Variants in OTUD7B observed in about 807,000 individuals in gnomAD.
OTUD7B encodes OTU deubiquitinase 7B, also known as OTU domain-containing protein 7B.
In OTUD7B, 34 loss-of-function variants were observed where a neutral mutation model predicts 82.2. The observed-to-expected ratio is 0.41, with a 90% CI of 0.31 to 0.55. OTUD7B has a LOEUF of 0.55. Ranked by LOEUF, OTUD7B falls within the 20% of genes least tolerant of loss-of-function variation. OTUD7B has a pLI of 0.20. For synonymous variants in OTUD7B, 398 were observed against 402.7 expected (o/e 0.99, Z 0.14); for missense variants, 944 against 1,062.1 (o/e 0.89, Z 1.55).
At chr1:150,052,798 C>T in the OTUD7B span, among the ~76,000 whole-genome samples, 3 of 132,226 alleles carry the variant, frequency 2.3e-5, no homozygotes, top group African/African-American at 8.9e-5. Flanking sequence ...GTAAAACAAA[C>T]AAACAAACAA....
chr1:149,967,584 TGTG>T (rs1649605349), intron 3 of OTUD7B, 63 bp from the exon 4 acceptor site: 1 of 1,263,390 alleles, frequency 7.9e-7, no homozygotes, highest in Non-Finnish European at 1.1e-6. Context: ...TCTACACTGA[TGTG>T]GTGATAGTTA....
intron 11 of OTUD7B, among the ~76,000 whole-genome samples, chr1:149,946,148 G>GC (rs1289955089): frequency 6.6e-6 from 1 of 151,664 alleles, no homozygotes; most frequent in African/African-American, 2.4e-5. Flanking sequence ...GGGGGCCAAG[G>GC]CAGGCGGATC....
At chr1:149,964,014 T>C (rs1360400970) in intron 6 of OTUD7B, 1 of 539,254 alleles carries the variant, frequency 1.9e-6, no homozygotes, top group African/African-American at 1.9e-5. Flanking sequence ...AACCTCTCTG[T>C]AGGTCTCATG....
At chr1:150,039,672 G>T in the OTUD7B span, among the ~76,000 whole-genome samples, 8 of 152,286 alleles carry the variant, frequency 5.3e-5, no homozygotes, top group African/African-American at 1.9e-4. Context: ...ACTGCGCCTG[G>T]CCTATTCAAA....
At chr1:149,995,899 C>T (rs1651893051) in intron 1 of OTUD7B, among the ~76,000 whole-genome samples, 1 of 152,142 alleles carries the variant, frequency 6.6e-6, no homozygotes, top group African/African-American at 2.4e-5. Flanking sequence ...TTCAGCTGGG[C>T]AAAAGACATT....
chr1:150,049,384 G>T, the OTUD7B span, among the ~76,000 whole-genome samples: 2 of 152,032 alleles, frequency 1.3e-5, no homozygotes, highest in Non-Finnish European at 2.9e-5. Context: ...TTAAATCGTG[G>T]TTAGTCAGGA....
chr1:149,990,397 T>C (rs587732786), intron 1 of OTUD7B, among the ~76,000 whole-genome samples: 1 of 152,356 alleles, frequency 6.6e-6, no homozygotes, highest in East Asian at 1.9e-4. Context: ...CAAATATTTG[T>C]GGTTCTAAAC....
chr1:150,028,105 A>T, the OTUD7B span, among the ~76,000 whole-genome samples: 1 of 152,224 alleles, frequency 6.6e-6, no homozygotes, highest in Non-Finnish European at 1.5e-5. Context: ...ATCTGTACAT[A>T]ACTATTTTTC....
intron 1 of OTUD7B, among the ~76,000 whole-genome samples, chr1:150,009,931 TCTCC>T (rs1374512906): frequency 1.3e-5 from 2 of 151,460 alleles, no homozygotes; most frequent in Non-Finnish European, 2.9e-5. Context: ...CCTCCGTCTC[TCTCC>T]CTCTCTCACA....
intron 1 of OTUD7B, among the ~76,000 whole-genome samples, chr1:150,002,603 G>A (rs1312737460): frequency 3.9e-5 from 6 of 152,170 alleles, no homozygotes; most frequent in South Asian, 2.1e-4. Flanking sequence ...CACAAACACT[G>A]AAATGGGACT....
At chr1:150,053,862 A>G in the OTUD7B span, 1 of 319,918 alleles carries the variant, frequency 3.1e-6, no homozygotes, top group Admixed American at 4.8e-5. Context: ...CCATCTTACA[A>G]GATGGAGGGT....
chr1:149,992,591 T>G (rs1157208317), intron 1 of OTUD7B, among the ~76,000 whole-genome samples: 8 of 147,644 alleles, frequency 5.4e-5, no homozygotes, highest in African/African-American at 2.0e-4. Flanking sequence ...TTCTCATGTC[T>G]CAGCCTCCTA....
rs1422651589 is a variant in OTUD7B, at chr1:149,946,763, AC to A, written c.1323+487del. Among the ~76,000 whole-genome samples the A allele has an allele frequency of 2.7e-3, 6 of 2,252 alleles. 1 individual carries two copies. Among genetic ancestry groups the A allele is most frequent in the Admixed American group, 0.013 (2 of 160 alleles). The allele number at this position is 2,252 out of a possible 152,430, so 1.5% of individuals were successfully genotyped here. On this transcript the variant is annotated intron_variant, in intron 11 of 11. Transcript: ENST00000581312. ...TCTGAAAAAAAAAAAAAAAAAAAGGACAGGAAAGGCCAGGCGCGGTGGCTCA... is the reference window on the plus strand; with the variant it reads ...TCTGAAAAAAAAAAAAAAAAAAAGGAAGGAAAGGCCAGGCGCGGTGGCTCA...
At chr1:149,947,471 A>G (rs1472989145) in intron 10 of OTUD7B, 136 bp from the exon 11 acceptor site, 1 of 561,648 alleles carries the variant, frequency 1.8e-6, no homozygotes, top group Non-Finnish European at 3.4e-6. Flanking sequence ...TTCTCCACCA[A>G]TTAATAAGCT....
chr1:149,982,501 C>T (rs1383094634), intron 1 of OTUD7B, among the ~76,000 whole-genome samples: 2 of 152,104 alleles, frequency 1.3e-5, no homozygotes, highest in Admixed American at 1.3e-4. Flanking sequence ...GCTCTGTCAC[C>T]CAGGCTGGAG....
intron 1 of OTUD7B, among the ~76,000 whole-genome samples, chr1:150,008,685 T>C (rs1364983328): frequency 6.6e-6 from 1 of 152,218 alleles, no homozygotes; most frequent in Non-Finnish European, 1.5e-5. Flanking sequence ...AAGTGTAATG[T>C]CCAAAGCAGA....
chr1:150,061,040 C>CA, the OTUD7B span, among the ~76,000 whole-genome samples: 1 of 27,340 alleles, frequency 3.7e-5, no homozygotes, highest in Non-Finnish European at 6.7e-5. Context: ...AAACAAAAAA[C>CA]AAAAAACAAA....
chr1:150,040,474 C>T, the OTUD7B span, among the ~76,000 whole-genome samples: 54 of 152,140 alleles, frequency 3.5e-4, no homozygotes, highest in African/African-American at 1.2e-3. Context: ...ATTAAAATTG[C>T]TAATTTTTGA....
At chr1:150,028,117 C>G in the OTUD7B span, among the ~76,000 whole-genome samples, 2 of 152,138 alleles carry the variant, frequency 1.3e-5, no homozygotes, top group African/African-American at 4.8e-5. Flanking sequence ...CTATTTTTCT[C>G]AAAAGAGTTA....
Sources: allele counts gnomAD v4.1 joint callset (sites outside exome capture counted in the v4.1 genomes callset), GRCh38; gene constraint gnomAD v4.1.1; transcripts MANE v1.5; gene names NCBI Gene and HGNC (gene_info 2026-07-23, HGNC 2026-07-21).